The following HDGFL3 variants were observed in gnomAD, a reference collection of about 807,000 sequenced individuals.
HDGFL3 encodes HDGF like 3, also known as hepatoma-derived growth factor-related protein 3.
A neutral mutation model predicts 27.6 loss-of-function variants in HDGFL3; 6 were observed. The observed-to-expected ratio is 0.22, with a 90% CI of 0.12 to 0.43. HDGFL3 has a LOEUF of 0.43. Ranked by LOEUF, HDGFL3 falls within the 20% of genes least tolerant of loss-of-function variation. The pLI, the probability that HDGFL3 is intolerant of heterozygous loss-of-function variation, is 1.00. For synonymous variants in HDGFL3, 88 were observed against 88.9 expected (o/e 0.99, Z 0.05); for missense variants, 207 against 250.1 (o/e 0.83, Z 1.16).
rs1199971897 is a variant in HDGFL3, at chr15:83,128,915, C to T, written c.*10355G>A. The T allele has an allele frequency of 4.6e-5, 7 of 152,254 alleles. No individual in the cohort carries two copies. The highest frequency in any genetic ancestry group is 1.9e-4 in the East Asian group (1 of 5,200). 9.4% of individuals were successfully genotyped at this position (152,254 alleles called of 1,614,324 possible). On this transcript the variant is annotated 3_prime_UTR_variant, in exon 6 of 6. Coordinates refer to ENST00000299633, the MANE Select transcript of HDGFL3 (RefSeq NM_016073.4). Reference sequence around the variant, plus strand: ...GCACAGTCATAGCTCACCGCAGCCTCGGACTCCTAGGCTCAAGCAATCCTC... The same window carrying T: ...GCACAGTCATAGCTCACCGCAGCCTTGGACTCCTAGGCTCAAGCAATCCTC...
chr15:83,162,677 A>G (rs1174813411), intron 2 of HDGFL3, among the ~76,000 whole-genome samples: 1 of 152,146 alleles, frequency 6.6e-6, no homozygotes, highest in Non-Finnish European at 1.5e-5. Context: ...TCTCTCACGA[A>G]AAAAAGTCTG....
At chr15:83,168,360 A>G (rs568841603) in intron 1 of HDGFL3, among the ~76,000 whole-genome samples, 4 of 152,278 alleles carry the variant, frequency 2.6e-5, no homozygotes, top group African/African-American at 9.6e-5. Flanking sequence ...GATCAATGAA[A>G]CCAAAAGCTG....
intron 1 of HDGFL3, among the ~76,000 whole-genome samples, chr15:83,178,523 G>A (rs1321423621): frequency 2.0e-5 from 3 of 152,110 alleles, no homozygotes; most frequent in Non-Finnish European, 4.4e-5. Flanking sequence ...AATTAGCCAG[G>A]TGTGGTGGTG....
At chr15:83,164,317 CT>C (rs1331131530) in intron 1 of HDGFL3, among the ~76,000 whole-genome samples, 2 of 126,220 alleles carry the variant, frequency 1.6e-5, no homozygotes, top group Non-Finnish European at 3.2e-5. Context: ...TTTCCTTTGA[CT>C]CAACAGAATT....
chr15:83,178,849 A>G (rs145914412), intron 1 of HDGFL3, among the ~76,000 whole-genome samples: 3 of 152,254 alleles, frequency 2.0e-5, no homozygotes, highest in African/African-American at 7.2e-5. Flanking sequence ...AACTCTTCCA[A>G]TGTCACTGAG....
At chr15:83,187,913 A>C (rs1596565046) in intron 1 of HDGFL3, among the ~76,000 whole-genome samples, 2 of 151,724 alleles carry the variant, frequency 1.3e-5, no homozygotes, top group East Asian at 3.9e-4. Context: ...AAAAAGGAAA[A>C]GGTTGCAGTA....
intron 4 of HDGFL3, among the ~76,000 whole-genome samples, chr15:83,153,254 A>G (rs970644641): frequency 2.6e-5 from 4 of 151,998 alleles, no homozygotes; most frequent in Non-Finnish European, 5.9e-5. Context: ...TCCTGACCTC[A>G]TGATCTGCCC....
chr15:83,203,609 TAAGAAC>T (rs2037678903), intron 1 of HDGFL3, among the ~76,000 whole-genome samples: 1 of 151,970 alleles, frequency 6.6e-6, no homozygotes. Context: ...CTTCGGAAGT[TAAGAAC>T]AATGACCATC....
In HDGFL3 at chr15:83,156,618, G is replaced by C. The variant is rs777862173; in HGVS notation, c.459+797C>G. On this transcript the variant is annotated intron_variant, in intron 4 of 5. Coordinates refer to ENST00000299633, the MANE Select transcript of HDGFL3 (RefSeq NM_016073.4). ...CAGACCACATATACGAAGCCTTGAC[G>C]TGTGGTAGGCTGTACCACCTACATT... 2.0e-5 allele frequency among the ~76,000 whole-genome samples: 3 copies of C among 152,196 alleles called. 1 individual carries two copies. The South Asian group carries it at 6.2e-4, about 32-fold the overall frequency.
chr15:83,119,951 C>T (rs1795584788), intron 3 of HDGFL3: 2 of 368,764 alleles, frequency 5.4e-6, no homozygotes. Context: ...TTTTTATTTT[C>T]AGCAATTAAA....
rs562455935 is a variant in HDGFL3, at chr15:83,135,033, C to T, written c.*4237G>A. The T allele has an allele frequency of 7.9e-5, 12 of 152,118 alleles. No individual in the cohort carries two copies. The highest frequency in any genetic ancestry group is 7.9e-4 in the Admixed American group (12 of 15,260). The allele number at this position is 152,118 out of a possible 1,614,324, so 9.4% of individuals were successfully genotyped here. A position where few individuals can be genotyped will look rare whatever the true frequency, so the allele number is the denominator to read the frequency against. On this transcript the variant is annotated 3_prime_UTR_variant, in exon 6 of 6. Transcript: ENST00000299633. ...ACCCAGGGGAGTTGTATCTGAGGGCCGAGTCCTCTCAGTGCCTCATGGATC... is the reference window on the plus strand; with the variant it reads ...ACCCAGGGGAGTTGTATCTGAGGGCTGAGTCCTCTCAGTGCCTCATGGATC...
In HDGFL3 at chr15:83,135,404, T is replaced by C. The variant is rs1439890619; in HGVS notation, c.*3866A>G. ...TGTTACTTCTATGCCTTCTCTATAG[T>C]GCAGTCTTTTGTCTCTTTGATCCTG... is the stretch of plus-strand genomic sequence containing the variant. On this transcript the variant is annotated 3_prime_UTR_variant, in exon 6 of 6. Coordinates refer to ENST00000299633, the MANE Select transcript of HDGFL3 (RefSeq NM_016073.4). The C allele has an allele frequency of 1.3e-5, 2 of 152,256 alleles. No individual in the cohort carries two copies. The highest frequency in any genetic ancestry group is 2.9e-5 in the Non-Finnish European group (2 of 68,050). The allele number at this position is 152,256 out of a possible 1,614,324, so 9.4% of individuals were successfully genotyped here.
At position 83,207,370 on chromosome 15, in the gene HDGFL3, G is replaced by T; in HGVS notation, c.45C>A (p.Val15=). Residue 15 remains valine (V), a synonymous_variant, in exon 1 of 6, where the codon GTC becomes GTA. Coordinates refer to ENST00000299633, the MANE Select transcript of HDGFL3 (RefSeq NM_016073.4). The surrounding 1 kb of genome is among the most constrained non-coding windows in gnomAD (Gnocchi z 4.8). ...RPREYKAGDL[V]FAKMKGYPHW... ...GCGGGTAGCCCTTCATCTTGGCGAA[G>T]ACCAGGTCGCCCGCTTTGTACTCGC... The T allele has an allele frequency of 7.1e-7, 1 of 1,403,836 alleles. No homozygotes were observed. Among genetic ancestry groups the T allele is most frequent in the Non-Finnish European group, 9.3e-7 (1 of 1,073,058 alleles). The allele number at this position is 1,403,836 out of a possible 1,614,324, so 87.0% of individuals were successfully genotyped here. A position where few individuals can be genotyped will look rare whatever the true frequency, so the allele number is the denominator to read the frequency against.
chr15:83,170,017 A>C (rs1296495441), intron 1 of HDGFL3, among the ~76,000 whole-genome samples: 1 of 152,220 alleles, frequency 6.6e-6, no homozygotes, highest in Non-Finnish European at 1.5e-5. Flanking sequence ...CTAACCAAGG[A>C]GGTGAAAGAT....
chr15:83,182,484 C>T (rs1287131204), intron 1 of HDGFL3, among the ~76,000 whole-genome samples: 1 of 152,078 alleles, frequency 6.6e-6, no homozygotes, highest in African/African-American at 2.4e-5. Context: ...GGGAACACTA[C>T]TAATATATAC....
chr15:83,122,912 CA>C, downstream of HDGFL3: 1 of 1,610,678 alleles, frequency 6.2e-7, no homozygotes, highest in Non-Finnish European at 8.5e-7. Flanking sequence ...ACCCTGTTCT[CA>C]AACTCATAGG....
At chr15:83,164,260 G>A (rs2037135724) in intron 1 of HDGFL3, among the ~76,000 whole-genome samples, 185 bp from the exon 2 acceptor site, 1 of 146,062 alleles carries the variant, frequency 6.8e-6, no homozygotes, top group Non-Finnish European at 1.5e-5. Flanking sequence ...TCTAGGAATG[G>A]ATTACAACCA....
intron 1 of HDGFL3, among the ~76,000 whole-genome samples, chr15:83,167,841 A>C (rs1251202994): frequency 6.6e-6 from 1 of 152,224 alleles, no homozygotes; most frequent in Non-Finnish European, 1.5e-5. Flanking sequence ...AGACAACCAC[A>C]GAATATTCAT....
At chr15:83,164,366 C>CA (rs2037138516) in intron 1 of HDGFL3, among the ~76,000 whole-genome samples, 3 of 12,936 alleles carry the variant, frequency 2.3e-4, no homozygotes, top group African/African-American at 3.5e-4. Context: ...ATTAGAGTAA[C>CA]CAAAAAAAAA....
Sources: gnomAD v4.1 joint callset for allele counts (sites outside exome capture counted in the v4.1 genomes callset) on GRCh38, gnomAD v4.1.1 for gene constraint, Gnocchi (gnomAD v3.1) non-coding constraint, MANE v1.5 for transcripts, NCBI Gene and HGNC (gene_info 2026-07-23, HGNC 2026-07-21) for gene names.